The following THSD7B variants were observed in gnomAD, a reference collection of about 807,000 sequenced individuals.
THSD7B encodes the protein thrombospondin type-1 domain-containing protein 7B.
A neutral mutation model predicts 213.6 loss-of-function variants in THSD7B; 138 were observed. The observed-to-expected ratio is 0.65, with a 90% CI of 0.56 to 0.74. THSD7B has a LOEUF of 0.74. Among genes scored for constraint, THSD7B ranks in the 30% least tolerant of loss-of-function variants. THSD7B has a pLI of 0.00. For synonymous variants in THSD7B, 742 were observed against 687.0 expected, an observed-to-expected ratio of 1.08 and a Z score of -1.25; for missense variants, 1,931 against 1,991.5, an observed-to-expected ratio of 0.97 and a Z score of 0.58.
At chr2:137,166,865 G>A (rs1238575654) in intron 6 of THSD7B, among the ~76,000 whole-genome samples, 1 of 152,144 alleles carries the variant, frequency 6.6e-6, no homozygotes, top group Non-Finnish European at 1.5e-5. Context: ...TGTGTTTGGG[G>A]TGGGTGGGGC....
rs1573904021 is a variant in THSD7B, at chr2:137,236,503, T to G, written c.2150+3370T>G. On this transcript the variant is annotated intron_variant, in intron 9 of 27. Coordinates refer to ENST00000409968, the MANE Select transcript of THSD7B (RefSeq NM_001316349.2). ...TGTTCGGTTTTGTTTTACTATTCAA[T>G]GCTTTTCTTTCCCCGGTGGCAGTGT... Among the ~76,000 whole-genome samples the G allele has an allele frequency of 3.9e-5, 6 of 152,330 alleles. No homozygotes were observed. In the Middle Eastern group the frequency reaches 0.014, roughly 345 times the overall value.
chr2:137,037,367 G>A (rs190888512), intron 2 of THSD7B, among the ~76,000 whole-genome samples: 343 of 152,138 alleles, frequency 2.3e-3, no homozygotes, highest in Non-Finnish European at 3.6e-3. Context: ...ATGAAGAGCT[G>A]TATGAAAATG....
intron 1 of THSD7B, among the ~76,000 whole-genome samples, chr2:136,775,922 A>T (rs116735074): frequency 2.6e-5 from 4 of 152,104 alleles, no homozygotes; most frequent in Non-Finnish European, 1.5e-5. Context: ...AGTTTATTAT[A>T]CTTTGACAGA....
intron 27 of THSD7B, 97 bp downstream of exon 27, chr2:137,667,958 G>T: frequency 1.1e-6 from 1 of 905,676 alleles, no homozygotes; most frequent in Non-Finnish European, 1.6e-6. Context: ...CATTATAACA[G>T]GATTCTTGAG....
At chr2:137,413,871 C>T (rs1042670594) in intron 14 of THSD7B, among the ~76,000 whole-genome samples, 1 of 152,072 alleles carries the variant, frequency 6.6e-6, no homozygotes, top group Non-Finnish European at 1.5e-5. Flanking sequence ...CTGGGAAACT[C>T]ATGTAGTTAA....
chr2:137,362,238 A>G (rs994539643), intron 12 of THSD7B, among the ~76,000 whole-genome samples: 1 of 152,244 alleles, frequency 6.6e-6, no homozygotes. Flanking sequence ...AGGAAGCACT[A>G]AACGTGGAAA....
intron 10 of THSD7B, among the ~76,000 whole-genome samples, chr2:137,267,428 A>G (rs1187020345): frequency 2.6e-5 from 4 of 152,160 alleles, no homozygotes; most frequent in Non-Finnish European, 4.4e-5. Flanking sequence ...AGCGAGTGCT[A>G]TTGAAAAATT....
At chr2:137,011,667 A>C (rs1188978619) in intron 2 of THSD7B, among the ~76,000 whole-genome samples, 1 of 152,138 alleles carries the variant, frequency 6.6e-6, no homozygotes, top group African/African-American at 2.4e-5. Flanking sequence ...TGCTGGACTC[A>C]CTGGTGTTTG....
chr2:137,527,524 A>G (rs566776275), intron 15 of THSD7B, among the ~76,000 whole-genome samples: 1 of 152,202 alleles, frequency 6.6e-6, no homozygotes, highest in African/African-American at 2.4e-5. Context: ...ATTTGCTAGC[A>G]TTGCTCCCTC....
chr2:137,550,919 G>A (rs1205039190), intron 15 of THSD7B, among the ~76,000 whole-genome samples: 2 of 151,880 alleles, frequency 1.3e-5, no homozygotes, highest in Non-Finnish European at 2.9e-5. Context: ...AAATTCGTCT[G>A]TACACCAAAC....
chr2:137,432,591 T>A (rs142544863), intron 14 of THSD7B, among the ~76,000 whole-genome samples: 1 of 152,184 alleles, frequency 6.6e-6, no homozygotes, highest in African/African-American at 2.4e-5. Flanking sequence ...ATGTTTCCAT[T>A]TGGCCACTAA....
At chr2:137,489,702 C>T (rs1237063149) in intron 15 of THSD7B, among the ~76,000 whole-genome samples, 1 of 152,166 alleles carries the variant, frequency 6.6e-6, no homozygotes, top group Non-Finnish European at 1.5e-5. Flanking sequence ...AATCCTGGAT[C>T]AGGACCCAGC....
intron 1 of THSD7B, among the ~76,000 whole-genome samples, chr2:136,774,900 C>T (rs1472562499): frequency 6.6e-6 from 1 of 152,032 alleles, no homozygotes; most frequent in East Asian, 1.9e-4. Flanking sequence ...AATAGCAAGA[C>T]AAACGAATGT....
chr2:136,844,462 C>CAGAGAGAGAGAG (rs56716402), intron 1 of THSD7B, among the ~76,000 whole-genome samples: 17,270 of 142,294 alleles, frequency 0.12, 1,566 homozygotes, highest in Non-Finnish European at 0.19. Flanking sequence ...CCACCCAAAA[C>CAGAGAGAGAGAG]AGAGAGAGAG....
chr2:137,382,414 T>A (rs541389185), intron 12 of THSD7B, among the ~76,000 whole-genome samples: 6 of 152,330 alleles, frequency 3.9e-5, no homozygotes, highest in Non-Finnish European at 8.8e-5. Flanking sequence ...GAGCAGGATG[T>A]GCATGTGACA....
In THSD7B at chr2:137,425,262, C is replaced by T. The variant is rs180901736; in HGVS notation, c.2959+13390C>T. On this transcript the variant is annotated intron_variant, in intron 14 of 27. Coordinates refer to ENST00000409968, the MANE Select transcript of THSD7B (RefSeq NM_001316349.2). ...GACGGAGTCTTGCTCTGTTGCTGGGCCTGGAGTGCAGTGGTGCAGTCTCCA... is the reference window on the plus strand; with the variant it reads ...GACGGAGTCTTGCTCTGTTGCTGGGTCTGGAGTGCAGTGGTGCAGTCTCCA... 8.1e-4 allele frequency among the ~76,000 whole-genome samples: 122 copies of T among 151,380 alleles called. 1 individual carries two copies. Among genetic ancestry groups the T allele is most frequent in the South Asian group, 8.0e-3 (38 of 4,754 alleles).
intron 1 of THSD7B, among the ~76,000 whole-genome samples, chr2:136,850,604 A>T (rs1306283881): frequency 6.6e-6 from 1 of 152,008 alleles, no homozygotes; most frequent in South Asian, 2.1e-4. Flanking sequence ...GTAAAAAAAA[A>T]ATGTGAGTAT....
chr2:137,215,878 G>C (rs1337752704), intron 7 of THSD7B, among the ~76,000 whole-genome samples: 1 of 152,132 alleles, frequency 6.6e-6, no homozygotes, highest in Admixed American at 6.6e-5. Flanking sequence ...TAGGTTTTTA[G>C]ATTAAGCTAT....
At chr2:137,311,719 T>C (rs975597343) in intron 12 of THSD7B, among the ~76,000 whole-genome samples, 5 of 151,638 alleles carry the variant, frequency 3.3e-5, no homozygotes, top group African/African-American at 4.8e-5. Flanking sequence ...GCATGAAGGG[T>C]TGTTGAATTT....
Sources: allele counts gnomAD v4.1 joint callset (sites outside exome capture counted in the v4.1 genomes callset), GRCh38; gene constraint gnomAD v4.1.1; transcripts MANE v1.5; gene names NCBI Gene and HGNC (gene_info 2026-07-23, HGNC 2026-07-21).